Variants in SDK1 observed in about 807,000 individuals in gnomAD.
SDK1 encodes the protein sidekick cell adhesion molecule 1, also known as protein sidekick-1.
SDK1 carries 157 observed loss-of-function variants against 245.5 expected under a neutral mutation model. The observed-to-expected ratio is 0.64, with a 90% CI of 0.56 to 0.73. The LOEUF is 0.73. SDK1 is among the 30% of genes least tolerant of loss of function. SDK1 has a pLI of 0.00. For missense variants in SDK1, 3,583 were observed against 3,002.3 expected, an observed-to-expected ratio of 1.19 and a Z score of -4.52; for synonymous variants, 1,647 against 1,278.5, an observed-to-expected ratio of 1.29 and a Z score of -6.15.
At chr7:3,680,596 C>A (rs960225176) in intron 4 of SDK1, among the ~76,000 whole-genome samples, 1 of 152,064 alleles carries the variant, frequency 6.6e-6, no homozygotes, top group Non-Finnish European at 1.5e-5. Context: ...TACATAAGAC[C>A]TTTCTGTACA....
At chr7:4,032,484 G>A (rs1269384730) in intron 17 of SDK1, among the ~76,000 whole-genome samples, 2 of 152,106 alleles carry the variant, frequency 1.3e-5, no homozygotes, top group South Asian at 2.1e-4. Flanking sequence ...TATTGAAATC[G>A]ACACATTTGC....
At chr7:4,156,616 G>A (rs889350828) in intron 30 of SDK1, among the ~76,000 whole-genome samples, 3 of 152,202 alleles carry the variant, frequency 2.0e-5, no homozygotes, top group Non-Finnish European at 4.4e-5. Flanking sequence ...TAAGCAGGAC[G>A]GGGACCTGAA....
chr7:4,110,065 G>T (rs909145112), intron 22 of SDK1, among the ~76,000 whole-genome samples: 1 of 152,130 alleles, frequency 6.6e-6, no homozygotes, highest in African/African-American at 2.4e-5. Context: ...CTGCCAGGAG[G>T]CAGTTTCTTT....
chr7:3,908,417 C>T (rs1779036015), intron 5 of SDK1, among the ~76,000 whole-genome samples: 1 of 152,188 alleles, frequency 6.6e-6, no homozygotes, highest in East Asian at 1.9e-4. Context: ...TCGACACATC[C>T]CTTCATACAC....
chr7:3,484,151 A>G (rs926167769), intron 1 of SDK1, among the ~76,000 whole-genome samples: 1 of 152,188 alleles, frequency 6.6e-6, no homozygotes, highest in African/African-American at 2.4e-5. Flanking sequence ...TATAACCAAA[A>G]TCGAAGCATG....
intron 22 of SDK1, among the ~76,000 whole-genome samples, chr7:4,082,305 G>A (rs189061564): frequency 6.6e-6 from 1 of 152,244 alleles, no homozygotes; most frequent in African/African-American, 2.4e-5. Flanking sequence ...GGAGACCAAG[G>A]CAGGCGGATC....
chr7:3,598,291 T>C (rs997676231), intron 1 of SDK1, among the ~76,000 whole-genome samples: 45 of 152,244 alleles, frequency 3.0e-4, no homozygotes, highest in African/African-American at 1.0e-3. Context: ...TTATAGACTC[T>C]GGATATAAAT....
intron 1 of SDK1, among the ~76,000 whole-genome samples, chr7:3,551,664 C>G (rs977623271): frequency 5.9e-5 from 9 of 151,788 alleles, no homozygotes; most frequent in African/African-American, 1.9e-4. Flanking sequence ...TAGTTTTATA[C>G]AGCAGAAAAC....
In SDK1 at chr7:4,260,967, C is replaced by T. The variant is rs199514241; in HGVS notation, c.6382-4157C>T. Among the ~76,000 whole-genome samples the T allele has an allele frequency of 2.6e-5, 4 of 152,354 alleles. No individual in the cohort carries two copies. The East Asian group carries it at 5.8e-4, about 22-fold the overall frequency. On this transcript the variant is annotated intron_variant, in intron 44 of 44. Transcript: ENST00000404826. ...GCAGAGGAGCCACAGATGGATTCAGCTGTTCTGTGTATTGTACCATAAGCC... is the reference window on the plus strand; with the variant it reads ...GCAGAGGAGCCACAGATGGATTCAGTTGTTCTGTGTATTGTACCATAAGCC...
At chr7:3,376,439 TA>T (rs1333750835) in intron 1 of SDK1, among the ~76,000 whole-genome samples, 3 of 151,540 alleles carry the variant, frequency 2.0e-5, no homozygotes. Context: ...GGAGAACTCT[TA>T]AAAATCAGTA....
intron 1 of SDK1, among the ~76,000 whole-genome samples, chr7:3,368,951 G>C (rs759302413): frequency 2.0e-4 from 30 of 152,216 alleles, no homozygotes; most frequent in Non-Finnish European, 3.5e-4. Context: ...TGTAGTCTCA[G>C]ATTTGGATCT....
At chr7:3,804,872 C>T (rs557893431) in intron 4 of SDK1, among the ~76,000 whole-genome samples, 2 of 152,118 alleles carry the variant, frequency 1.3e-5, no homozygotes, top group South Asian at 4.1e-4. Context: ...TAGAGAAATA[C>T]AATTGGGGGT....
intron 4 of SDK1, among the ~76,000 whole-genome samples, chr7:3,737,831 C>T (rs570532541): frequency 1.3e-5 from 2 of 152,302 alleles, no homozygotes; most frequent in East Asian, 3.9e-4. Context: ...AAAAACATAG[C>T]TTAGGGGAAG....
At chr7:3,765,494 G>C (rs1436630599) in intron 4 of SDK1, among the ~76,000 whole-genome samples, 1 of 152,192 alleles carries the variant, frequency 6.6e-6, no homozygotes. Context: ...CTGCGCTGTG[G>C]TGAATGGTTT....
In SDK1 at chr7:3,552,292, T is replaced by C. The variant is rs1023900863; in HGVS notation, c.299-66788T>C. On this transcript the variant is annotated intron_variant, in intron 1 of 44. Transcript: ENST00000404826. ...TCCTGACCTTGTGATCCACCCGCCT[T>C]GGCCTCCCAAAGTGTGGGGATTACA... Among the ~76,000 whole-genome samples, 19 of 152,238 alleles carry C rather than the reference T, an allele frequency of 1.2e-4. No individual in the cohort carries two copies. The East Asian group carries it at 2.5e-3, about 20-fold the overall frequency.
At chr7:4,032,844 C>T (rs996384294) in intron 17 of SDK1, among the ~76,000 whole-genome samples, 2 of 152,096 alleles carry the variant, frequency 1.3e-5, no homozygotes, top group South Asian at 2.1e-4. Flanking sequence ...ACAAACGGAC[C>T]GTGTTTTTGA....
At chr7:4,225,111 C>G (rs1785351773) in intron 40 of SDK1, among the ~76,000 whole-genome samples, 1 of 149,878 alleles carries the variant, frequency 6.7e-6, no homozygotes, top group South Asian at 2.1e-4. Flanking sequence ...AGGATCCCAG[C>G]AGATGGGTGG....
chr7:3,544,226 A>G (rs1400092374), intron 1 of SDK1, among the ~76,000 whole-genome samples: 1 of 152,244 alleles, frequency 6.6e-6, no homozygotes, highest in Non-Finnish European at 1.5e-5. Context: ...CAAAGACCAT[A>G]TGTATCCATC....
chr7:4,216,092 C>G (rs902358701), intron 38 of SDK1, among the ~76,000 whole-genome samples: 1 of 152,230 alleles, frequency 6.6e-6, no homozygotes, highest in African/African-American at 2.4e-5. Context: ...GGCAGCTGCT[C>G]TCTGCCTGCA....
Sources: gnomAD v4.1 joint callset for allele counts (sites outside exome capture counted in the v4.1 genomes callset) on GRCh38, gnomAD v4.1.1 for gene constraint, MANE v1.5 for transcripts, NCBI Gene and HGNC (gene_info 2026-07-23, HGNC 2026-07-21) for gene names.